Variants in SOX6 observed in about 807,000 individuals in gnomAD.
SOX6 encodes the protein SRY-box transcription factor 6, also known as transcription factor SOX-6.
SOX6 carries 11 observed loss-of-function variants against 97.8 expected under a neutral mutation model. The observed-to-expected ratio is 0.11, with a 90% confidence interval of 0.07 to 0.19. The LOEUF (loss-of-function observed/expected upper bound fraction) is 0.19. SOX6 is among the 10% of genes least tolerant of loss of function. SOX6 has a pLI of 1.00. For synonymous variants in SOX6, 360 were observed against 371.4 expected, an observed-to-expected ratio of 0.97 and a Z score of 0.35; for missense variants, 810 against 1,039.5, an observed-to-expected ratio of 0.78 and a Z score of 3.04.
intron 4 of SOX6, among the ~76,000 whole-genome samples, chr11:16,527,419 A>G (rs561433997): frequency 4.6e-5 from 7 of 152,238 alleles, no homozygotes; most frequent in African/African-American, 1.7e-4. Context: ...CATATTTTAT[A>G]CTTGCTCAGT....
At chr11:16,132,785 A>G (rs1042961652) in intron 6 of SOX6, among the ~76,000 whole-genome samples, 5 of 149,954 alleles carry the variant, frequency 3.3e-5, no homozygotes, top group African/African-American at 4.9e-5. Flanking sequence ...AAGCAATTTT[A>G]TACCACAAGG....
At chr11:16,589,644 C>T (rs1034560206) in intron 4 of SOX6, among the ~76,000 whole-genome samples, 15 of 151,732 alleles carry the variant, frequency 9.9e-5, no homozygotes, top group African/African-American at 3.6e-4. Flanking sequence ...GCATATCTGA[C>T]AAAAAATAAG....
intron 4 of SOX6, among the ~76,000 whole-genome samples, chr11:16,609,436 A>AT (rs1848372231): frequency 1.3e-5 from 2 of 151,814 alleles, no homozygotes; most frequent in Admixed American, 6.5e-5. Context: ...AGTTCATCGA[A>AT]AGAGACTTTG....
intron 1 of SOX6, among the ~76,000 whole-genome samples, chr11:16,443,651 G>T (rs1047474869): frequency 1.3e-5 from 2 of 152,096 alleles, no homozygotes; most frequent in South Asian, 4.1e-4. Flanking sequence ...GCTGGGGTTT[G>T]ATGTACAAAT....
At chr11:16,073,955 A>G (rs897054777) in intron 9 of SOX6, among the ~76,000 whole-genome samples, 3 of 152,196 alleles carry the variant, frequency 2.0e-5, no homozygotes, top group African/African-American at 7.2e-5. Context: ...TTAAAAGCAG[A>G]GTTTATAGTG....
intron 2 of SOX6, among the ~76,000 whole-genome samples, chr11:16,728,820 A>C (rs982609727): frequency 6.6e-6 from 1 of 152,178 alleles, no homozygotes; most frequent in African/African-American, 2.4e-5. Flanking sequence ...AATGTGAGGA[A>C]GCTAAGAACC....
At chr11:16,593,858 C>G (rs1295024198) in intron 4 of SOX6, among the ~76,000 whole-genome samples, 1 of 151,968 alleles carries the variant, frequency 6.6e-6, no homozygotes, top group Admixed American at 6.6e-5. Context: ...GATTCAAAAG[C>G]CCAAGCTCTT....
rs574561157 is a variant in SOX6 at position 16,252,766 on chromosome 11, C to A, written c.446-18095G>T. ...AATACCCAACTCCAACCCCCTCAAG[C>A]CTTCCACTTGGGAGAAGGAAAATAC... is the stretch of plus-strand genomic sequence containing the variant. On this transcript the variant is annotated intron_variant, in intron 3 of 15. Coordinates refer to ENST00000683767, the MANE Select transcript of SOX6 (RefSeq NM_001367873.1). Among the ~76,000 whole-genome samples, 8 of 152,212 alleles carry A rather than the reference C, an allele frequency of 5.3e-5. No homozygotes were observed. In the South Asian group the frequency reaches 1.7e-3, roughly 32 times the overall value.
intron 13 of SOX6, among the ~76,000 whole-genome samples, chr11:16,009,782 A>G (rs1854655919): frequency 6.6e-6 from 1 of 152,066 alleles, no homozygotes; most frequent in African/African-American, 2.4e-5. Context: ...TGAACTAATG[A>G]TCTTTACATT....
At chr11:16,260,769 C>T (rs542526315) in intron 3 of SOX6, among the ~76,000 whole-genome samples, 9 of 152,262 alleles carry the variant, frequency 5.9e-5, no homozygotes, top group African/African-American at 1.2e-4. Context: ...ATCATCCAAA[C>T]ATTTACCCTT....
intron 3 of SOX6, among the ~76,000 whole-genome samples, chr11:16,308,939 C>T (rs1855516258): frequency 6.6e-6 from 1 of 152,172 alleles, no homozygotes; most frequent in African/African-American, 2.4e-5. Context: ...TCTTGCTGAG[C>T]TTCTGAAAAG....
At chr11:16,513,815 A>G (rs1565168045) in intron 4 of SOX6, among the ~76,000 whole-genome samples, 1 of 152,204 alleles carries the variant, frequency 6.6e-6, no homozygotes, top group Non-Finnish European at 1.5e-5. Flanking sequence ...ATATAAAGGA[A>G]TGATTCTTAT....
chr11:16,411,520 TA>T (rs1056274662), intron 1 of SOX6, among the ~76,000 whole-genome samples: 3 of 151,746 alleles, frequency 2.0e-5, no homozygotes, highest in African/African-American at 7.3e-5. Flanking sequence ...TTTCATGGAT[TA>T]AAAAAAACAG....
intron 6 of SOX6, among the ~76,000 whole-genome samples, chr11:16,132,312 AAGGAAG>A (rs1849773793): frequency 2.3e-5 from 3 of 130,854 alleles, no homozygotes; most frequent in South Asian, 2.5e-4. Flanking sequence ...GGAAGGAAGG[AAGGAAG>A]GAAGGAAGGA....
At chr11:16,466,317 C>T (rs988484615) in intron 1 of SOX6, among the ~76,000 whole-genome samples, 130 of 152,276 alleles carry the variant, frequency 8.5e-4, no homozygotes, top group African/African-American at 2.5e-3. Flanking sequence ...CTGAGAGTGA[C>T]ACATTTCACT....
chr11:16,195,874 A>C (rs535832538), intron 4 of SOX6, among the ~76,000 whole-genome samples: 1 of 152,312 alleles, frequency 6.6e-6, no homozygotes, highest in South Asian at 2.1e-4. Flanking sequence ...CCCCGGGTGC[A>C]GTGTATATGT....
At position 16,196,266 on chromosome 11, in the gene SOX6, A is replaced by G. The variant is rs138831817; in HGVS notation, c.536-9311T>C. On this transcript the variant is annotated intron_variant, in intron 4 of 15. Coordinates refer to ENST00000683767, the MANE Select transcript of SOX6 (RefSeq NM_001367873.1). ...ATGCAAAAGTAACGCAGCTTGCCCA[A>G]ATCCTTAGCTATTAAATCATATATC... is the stretch of plus-strand genomic sequence containing the variant. 2.4e-3 allele frequency among the ~76,000 whole-genome samples: 361 copies of G among 152,286 alleles called. 1 individual carries two copies. Among genetic ancestry groups the G allele is most frequent in the Non-Finnish European group, 4.0e-3 (270 of 68,024 alleles).
At chr11:16,359,580 G>A (rs1005011403), upstream of SOX6, among the ~76,000 whole-genome samples, 2 of 151,982 alleles carry the variant, frequency 1.3e-5, no homozygotes, top group African/African-American at 4.8e-5. Flanking sequence ...TTCTTATCTT[G>A]TCCTTGGTGT....
chr11:15,979,888 C>T (rs1853609974), intron 15 of SOX6, among the ~76,000 whole-genome samples: 1 of 152,050 alleles, frequency 6.6e-6, no homozygotes, highest in Non-Finnish European at 1.5e-5. Flanking sequence ...GCACCTCTCA[C>T]TATTATTTAT....
Sources: gnomAD v4.1 joint callset for allele counts (sites outside exome capture counted in the v4.1 genomes callset) on GRCh38, gnomAD v4.1.1 for gene constraint, MANE v1.5 for transcripts, NCBI Gene and HGNC (gene_info 2026-07-23, HGNC 2026-07-21) for gene names.